Variants in PLCB1 observed in about 807,000 individuals in gnomAD.
PLCB1 encodes the protein 1-phosphatidylinositol 4,5-bisphosphate phosphodiesterase beta-1.
PLCB1 carries 46 observed loss-of-function variants against 161.8 expected under a neutral mutation model. The ratio of observed to expected loss-of-function variants is 0.28; its 90% confidence interval spans 0.22 to 0.36. The LOEUF is 0.36. Among genes scored for constraint, PLCB1 ranks in the 10% least tolerant of loss-of-function variants. The probability of loss-of-function intolerance (pLI) is 1.00; values close to 1 mark genes in which losing one functional copy is unlikely to be tolerated. For missense variants in PLCB1, 1,016 were observed against 1,472.5 expected, an observed-to-expected ratio of 0.69 and a Z score of 5.07; for synonymous variants, 517 against 503.7, an observed-to-expected ratio of 1.03 and a Z score of -0.35.
At chr20:8,713,857 T>C (rs1979153112) in intron 12 of PLCB1, among the ~76,000 whole-genome samples, 1 of 152,130 alleles carries the variant, frequency 6.6e-6, no homozygotes, top group African/African-American at 2.4e-5. Context: ...TAATCATGGC[T>C]CCAGTAAAAT....
intron 12 of PLCB1, among the ~76,000 whole-genome samples, chr20:8,714,452 AGACTT>A (rs1363086830): frequency 6.6e-6 from 1 of 152,158 alleles, no homozygotes; most frequent in Admixed American, 6.5e-5. Context: ...TGGAGGAAGA[AGACTT>A]GAACCCAGGG....
intron 2 of PLCB1, among the ~76,000 whole-genome samples, chr20:8,286,180 C>G (rs1017270622): frequency 6.6e-6 from 1 of 152,074 alleles, no homozygotes; most frequent in Non-Finnish European, 1.5e-5. Flanking sequence ...AAAGATTTGC[C>G]GGGCGTGGTA....
intron 2 of PLCB1, among the ~76,000 whole-genome samples, chr20:8,283,568 AATC>A (rs200292949): frequency 0.016 from 1,162 of 71,510 alleles, 16 homozygotes; most frequent in African/African-American, 0.066. Context: ...AAAATAAATC[AATC>A]AATAAATAAA....
intron 3 of PLCB1, among the ~76,000 whole-genome samples, chr20:8,437,389 A>G (rs1474819718): frequency 6.6e-6 from 1 of 152,268 alleles, no homozygotes; most frequent in Non-Finnish European, 1.5e-5. Flanking sequence ...AACTGTATCA[A>G]TGGAGTAGAA....
At chr20:8,816,666 A>G (rs1207332438) in intron 31 of PLCB1, among the ~76,000 whole-genome samples, 2 of 152,230 alleles carry the variant, frequency 1.3e-5, no homozygotes, top group Non-Finnish European at 2.9e-5. Context: ...GGACATCTAC[A>G]TACCAAACTT....
intron 3 of PLCB1, among the ~76,000 whole-genome samples, chr20:8,545,828 C>T (rs1312086332): frequency 6.6e-6 from 1 of 152,040 alleles, no homozygotes; most frequent in African/African-American, 2.4e-5. Flanking sequence ...ACACATTTAC[C>T]ATATGTTATT....
At chr20:8,476,113 C>T (rs530546080) in intron 3 of PLCB1, among the ~76,000 whole-genome samples, 2 of 152,126 alleles carry the variant, frequency 1.3e-5, no homozygotes, top group African/African-American at 2.4e-5. Flanking sequence ...GTGTCTTGGC[C>T]CCCACGGCTA....
chr20:8,739,736 G>T (rs1207696676), intron 21 of PLCB1, among the ~76,000 whole-genome samples: 1 of 152,218 alleles, frequency 6.6e-6, no homozygotes, highest in East Asian at 1.9e-4. Flanking sequence ...GGCTGAAGTG[G>T]CAGTTGCTTC....
chr20:8,747,122 A>T (rs1408742295), intron 23 of PLCB1, among the ~76,000 whole-genome samples: 1 of 152,238 alleles, frequency 6.6e-6, no homozygotes, highest in South Asian at 2.1e-4. Context: ...AGCACAGGAT[A>T]TAAGACCTTT....
Position 8,389,349 on chromosome 20 carries a change from T to A in PLCB1, c.246+17899T>A, listed in dbSNP as rs116854037. 4.6e-3 allele frequency among the ~76,000 whole-genome samples: 706 copies of A among 152,306 alleles called. 42 individuals are homozygous for A. In the East Asian group the frequency reaches 0.1, roughly 22 times the overall value. On this transcript the variant is annotated intron_variant, in intron 3 of 31. Transcript: ENST00000338037. ...GGCCAGCATCTGTCCTATTACCTTA[T>A]TGCCAAAGGGTTCTAAAGGACCTGG... is the stretch of plus-strand genomic sequence containing the variant.
chr20:8,790,347 C>G, intron 31 of PLCB1, 86 bp downstream of exon 31: 1 of 947,168 alleles, frequency 1.1e-6, no homozygotes, highest in Non-Finnish European at 1.6e-6. Flanking sequence ...ACATAAGTAC[C>G]TTGTACACAG....
chr20:8,399,863 T>A (rs193010017), intron 3 of PLCB1, among the ~76,000 whole-genome samples: 1 of 152,288 alleles, frequency 6.6e-6, no homozygotes, highest in East Asian at 1.9e-4. Flanking sequence ...AAAAAAAACC[T>A]TTTGGTTATT....
intron 2 of PLCB1, among the ~76,000 whole-genome samples, chr20:8,221,436 A>G (rs1308204966): frequency 6.6e-6 from 1 of 152,184 alleles, no homozygotes. Context: ...AAAACCAAGA[A>G]ATTGAAAGTG....
intron 2 of PLCB1, among the ~76,000 whole-genome samples, chr20:8,280,243 G>A (rs1376341562): frequency 1.3e-5 from 2 of 151,898 alleles, no homozygotes; most frequent in East Asian, 3.9e-4. Context: ...GGCTGAGGCA[G>A]GAGGATTGCT....
chr20:8,154,621 A>C (rs1032954859), intron 2 of PLCB1, among the ~76,000 whole-genome samples: 1 of 152,158 alleles, frequency 6.6e-6, no homozygotes, highest in Non-Finnish European at 1.5e-5. Flanking sequence ...GAAATATTTT[A>C]ATTTTTGCCT....
chr20:8,571,201 C>T (rs1986500173), intron 3 of PLCB1, among the ~76,000 whole-genome samples: 1 of 152,174 alleles, frequency 6.6e-6, no homozygotes, highest in African/African-American at 2.4e-5. Flanking sequence ...GGAGGCCAGG[C>T]ATGGTGGCTC....
chr20:8,836,220 A>C (rs6086623), intron 31 of PLCB1, among the ~76,000 whole-genome samples: 123,638 of 152,210 alleles, frequency 0.81, 50,354 homozygotes, highest in East Asian at 0.86. Context: ...AACCCCAATA[A>C]CTGCCCAGAT....
At chr20:8,557,659 T>C (rs1437510738) in intron 3 of PLCB1, among the ~76,000 whole-genome samples, 1 of 151,974 alleles carries the variant, frequency 6.6e-6, no homozygotes, top group Non-Finnish European at 1.5e-5. Flanking sequence ...TGAATTTAGT[T>C]AATGTCACTC....
At chr20:8,792,538 T>C (rs1568601581) in intron 31 of PLCB1, 1 of 471,030 alleles carries the variant, frequency 2.1e-6, no homozygotes, top group South Asian at 1.5e-5. Flanking sequence ...CTGAAGTGTT[T>C]CTATGAATTT....
Sources: gnomAD v4.1 joint callset for allele counts (sites outside exome capture counted in the v4.1 genomes callset) on GRCh38, gnomAD v4.1.1 for gene constraint, MANE v1.5 for transcripts, NCBI Gene and HGNC (gene_info 2026-07-23, HGNC 2026-07-21) for gene names.